Variants in CWF19L2 observed in about 807,000 individuals in gnomAD.
CWF19L2 encodes the protein CWF19 like cell cycle control factor 2.
A neutral mutation model predicts 111.7 loss-of-function variants in CWF19L2; 98 were observed. The observed-to-expected ratio is 0.88, with a 90% confidence interval of 0.75 to 1.04. The LOEUF is 1.04. Ranked by LOEUF, CWF19L2 falls within the 50% of genes least tolerant of loss-of-function variation. The probability of loss-of-function intolerance (pLI) is 0.00; values close to 1 mark genes in which losing one functional copy is unlikely to be tolerated. For missense variants in CWF19L2, 1,101 were observed against 1,051.4 expected, an observed-to-expected ratio of 1.05 and a Z score of -0.65; for synonymous variants, 351 against 342.9, an observed-to-expected ratio of 1.02 and a Z score of -0.26.
At chr11:107,408,904 T>A (rs1861118715) in intron 10 of CWF19L2, among the ~76,000 whole-genome samples, 1 of 152,022 alleles carries the variant, frequency 6.6e-6, no homozygotes, top group South Asian at 2.1e-4. Flanking sequence ...TTAAAATATT[T>A]GACCTAGAAA....
intron 12 of CWF19L2, among the ~76,000 whole-genome samples, chr11:107,360,563 C>T (rs951429955): frequency 2.3e-4 from 35 of 152,128 alleles, no homozygotes; most frequent in African/African-American, 7.2e-4. Flanking sequence ...ATCTCCATAC[C>T]GTTTTCCATA....
At chr11:107,385,107 T>C (rs934235046) in intron 12 of CWF19L2, among the ~76,000 whole-genome samples, 1 of 152,174 alleles carries the variant, frequency 6.6e-6, no homozygotes, top group Non-Finnish European at 1.5e-5. Context: ...TATAGGCTTT[T>C]AGTAACGCCT....
chr11:107,337,405 GTGTGTA>G (rs1381397813), intron 14 of CWF19L2, among the ~76,000 whole-genome samples: 2 of 111,302 alleles, frequency 1.8e-5, no homozygotes, highest in Admixed American at 1.7e-4. Context: ...GTGTGTGTGT[GTGTGTA>G]TTTCACACTC....
chr11:107,371,037 G>A lies in CWF19L2; in HGVS notation c.1873-17301C>T, dbSNP rs1157736672. 1.9e-4 allele frequency among the ~76,000 whole-genome samples: 20 copies of A among 106,202 alleles called. 1 individual carries two copies. The highest frequency in any genetic ancestry group is 4.4e-4 in the African/African-American group (11 of 24,780). The allele number at this position is 106,202 out of a possible 152,430, so 69.7% of individuals were successfully genotyped here. ...CTTTTTTTTTTTTTTTTTTTGAGAC[G>A]GAGTCTCACTCTGTCGCCCAGGCTG... On this transcript the variant is annotated intron_variant, in intron 12 of 17. Transcript: ENST00000282251.
intron 11 of CWF19L2, among the ~76,000 whole-genome samples, chr11:107,390,881 C>T (rs1860836933): frequency 6.6e-6 from 1 of 152,140 alleles, no homozygotes; most frequent in African/African-American, 2.4e-5. Flanking sequence ...GGCAGACCCA[C>T]CCTCAGTGTG....
At chr11:107,348,722 T>C (rs182242420) in intron 14 of CWF19L2, 33 of 287,988 alleles carry the variant, frequency 1.1e-4, no homozygotes, top group African/African-American at 7.0e-4. Context: ...CACAGTTTAT[T>C]TCGTAGATAA....
At position 107,372,090 on chromosome 11, in the gene CWF19L2, C is replaced by T. The variant is rs555232785; in HGVS notation, c.1872+17984G>A. Among the ~76,000 whole-genome samples, 17 of 134,750 alleles carry T rather than the reference C, an allele frequency of 1.3e-4. 4 individuals carry two copies. Among genetic ancestry groups the T allele is most frequent in the African/African-American group, 4.8e-4 (16 of 33,390 alleles). The allele number at this position is 134,750 out of a possible 152,430, so 88.4% of individuals were successfully genotyped here. A position where few individuals can be genotyped will look rare whatever the true frequency, so the allele number is the denominator to read the frequency against. Reference sequence around the variant, plus strand: ...GACTTCAAGTCCCAAATATGAGACTCCAGAAAACAAATATTTATTGAATGC... The same window carrying T: ...GACTTCAAGTCCCAAATATGAGACTTCAGAAAACAAATATTTATTGAATGC... On this transcript the variant is annotated intron_variant, in intron 12 of 17. Transcript: ENST00000282251.
At chr11:107,346,490 G>A (rs1048677081) in intron 14 of CWF19L2, among the ~76,000 whole-genome samples, 2 of 152,178 alleles carry the variant, frequency 1.3e-5, no homozygotes, top group African/African-American at 2.4e-5. Flanking sequence ...AAGGTTAGCA[G>A]GGATAGCAAA....
chr11:107,418,067 A>G (rs1400961997), intron 9 of CWF19L2, 127 bp downstream of exon 9: 7 of 677,006 alleles, frequency 1.0e-5, no homozygotes, highest in Non-Finnish European at 1.9e-5. Flanking sequence ...AATTTCTTTA[A>G]GGAATCAATA....
rs1173369183 is a variant in CWF19L2 at position 107,334,905 on chromosome 11, G to C, written c.2415C>G (p.Leu805=). ...EWSMNKKLID[L]SSKDIRKSVP... is the part of the protein sequence containing the mutation. Reference sequence around the variant, plus strand: ...CAGACTTTCTGATATCTTTTGAAGAGAGATCTATCAACTTCTTGTTCATGG... The same window carrying C: ...CAGACTTTCTGATATCTTTTGAAGACAGATCTATCAACTTCTTGTTCATGG... The change falls in exon 16 of 18, where the codon CTC becomes CTG. Residue 805 remains leucine, a synonymous_variant. Transcript: ENST00000282251. 3 of 1,603,466 alleles carry C rather than the reference G, an allele frequency of 1.9e-6. No homozygotes were observed. The highest frequency in any genetic ancestry group is 1.7e-5 in the Admixed American group (1 of 59,944).
intron 14 of CWF19L2, among the ~76,000 whole-genome samples, chr11:107,338,102 G>C (rs371470481): frequency 1.7e-4 from 26 of 152,122 alleles, no homozygotes; most frequent in South Asian, 6.2e-4. Context: ...ATGTTGCCCA[G>C]GCTGAAGTAC....
Position 107,433,652 on chromosome 11 carries a change from A to C in CWF19L2, c.762T>G (p.Ile254Met). 6.4e-7 allele frequency: 1 copy of C among 1,564,766 alleles called. No individual in the cohort carries two copies. Among genetic ancestry groups the C allele is most frequent in the Admixed American group, 1.8e-5 (1 of 55,744 alleles). ...TACTCACCCCATATCTTTCGGCTAC[A>C]ATGTCCTCAAAGTTTCTACTTTGTT... ...AEKQSRNFED[I>M]VAERYGSMEI... is the part of the protein sequence containing the mutation. The change falls in exon 7 of 18, where the codon ATT becomes ATG. Residue 254 changes from isoleucine to methionine, a missense_variant. Transcript: ENST00000282251.
At chr11:107,327,796 T>C (rs890915645) in intron 17 of CWF19L2, among the ~76,000 whole-genome samples, 36 of 152,000 alleles carry the variant, frequency 2.4e-4, no homozygotes, top group African/African-American at 8.5e-4. Flanking sequence ...GAGGGCAGTA[T>C]GGTAACAAAG....
chr11:107,428,806 A>G lies in CWF19L2; in HGVS notation c.1426T>C (p.Phe476Leu), dbSNP rs1861416717. The part of the protein sequence containing the change: ...KEHLRDTKST[F>L]AGSPERESIH... Reference sequence around the variant, plus strand: ...TAAAAAATGATAAAATACCCAGCAAATGTAGACTTTGTATCCCGTAGATGT... The same window carrying G: ...TAAAAAATGATAAAATACCCAGCAAGTGTAGACTTTGTATCCCGTAGATGT... The change falls in exon 8 of 18, where the codon TTT becomes CTT. Residue 476 changes from phenylalanine (F) to leucine (L), a missense_variant. Coordinates refer to ENST00000282251, the MANE Select transcript of CWF19L2 (RefSeq NM_152434.3). 2 of 1,602,354 alleles carry G rather than the reference A, an allele frequency of 1.2e-6. No homozygotes were observed. Among genetic ancestry groups the G allele is most frequent in the African/African-American group, 2.7e-5 (2 of 74,008 alleles).
intron 12 of CWF19L2, among the ~76,000 whole-genome samples, chr11:107,385,515 T>C (rs1365934114): frequency 6.6e-6 from 1 of 152,146 alleles, no homozygotes; most frequent in Non-Finnish European, 1.5e-5. Flanking sequence ...AAATCAAAGA[T>C]GTAAAATGTT....
chr11:107,454,807 G>A (rs1323337750), intron 2 of CWF19L2, among the ~76,000 whole-genome samples: 1 of 152,012 alleles, frequency 6.6e-6, no homozygotes, highest in East Asian at 1.9e-4. Flanking sequence ...AAAATACTGG[G>A]AAAATTTTGG....
intron 1 of CWF19L2, 32 bp downstream of exon 1, chr11:107,457,680 A>T (rs931076601): frequency 6.7e-6 from 10 of 1,496,134 alleles, no homozygotes; most frequent in Non-Finnish European, 8.2e-6. Flanking sequence ...CCACAACAAT[A>T]AATAACTACA....
At chr11:107,346,027 G>C (rs1263766582) in intron 14 of CWF19L2, among the ~76,000 whole-genome samples, 1 of 151,942 alleles carries the variant, frequency 6.6e-6, no homozygotes, top group African/African-American at 2.4e-5. Context: ...TCCTCATTTA[G>C]TCAATGCATC....
intron 7 of CWF19L2, among the ~76,000 whole-genome samples, chr11:107,431,905 A>C (rs533229937): frequency 1.3e-5 from 2 of 152,314 alleles, no homozygotes; most frequent in South Asian, 4.1e-4. Flanking sequence ...AGACTTATGC[A>C]AAGTTTGATG....
Sources: allele counts gnomAD v4.1 joint callset (sites outside exome capture counted in the v4.1 genomes callset), GRCh38; gene constraint gnomAD v4.1.1; transcripts MANE v1.5; gene names NCBI Gene and HGNC (gene_info 2026-07-23, HGNC 2026-07-21).